SHTN1: variants seen among roughly 807,000 people sequenced by gnomAD.
SHTN1 encodes shootin-1.
SHTN1 carries 42 observed loss-of-function variants against 83.1 expected under a neutral mutation model. The ratio of observed to expected loss-of-function variants is 0.51; its 90% CI spans 0.39 to 0.65. The LOEUF is 0.65. Among genes scored for constraint, SHTN1 ranks in the 30% least tolerant of loss-of-function variants. The probability of loss-of-function intolerance (pLI) is 0.00; values close to 1 mark genes in which losing one functional copy is unlikely to be tolerated. For synonymous variants in SHTN1, 224 were observed against 247.7 expected, an observed-to-expected ratio of 0.90 and a Z score of 0.90; for missense variants, 622 against 737.8, an observed-to-expected ratio of 0.84 and a Z score of 1.82.
rs144265659 is a variant in SHTN1, at chr10:117,044,311, C to T, written c.-123+4134G>A. 6.6e-5 allele frequency among the ~76,000 whole-genome samples: 10 copies of T among 151,912 alleles called. No individual in the cohort carries two copies. The East Asian group carries it at 1.9e-3, about 29-fold the overall frequency. Reference sequence around the variant, plus strand: ...TTAACAATATATCTTGGAGATCTTTCCATATTATCACATTGATTTACCTTA... The same window carrying T: ...TTAACAATATATCTTGGAGATCTTTTCATATTATCACATTGATTTACCTTA... On this transcript the variant is annotated intron_variant, in intron 2 of 17. Transcript: ENST00000392901.
At chr10:117,117,085 G>A (rs554401504) in intron 1 of SHTN1, among the ~76,000 whole-genome samples, 1 of 152,116 alleles carries the variant, frequency 6.6e-6, no homozygotes, top group Admixed American at 6.5e-5. Flanking sequence ...AAAAAGAAAC[G>A]GTGTCCAGAT....
At chr10:116,951,335 A>G (rs1849768870) in intron 6 of SHTN1, among the ~76,000 whole-genome samples, 1 of 152,114 alleles carries the variant, frequency 6.6e-6, no homozygotes, top group Non-Finnish European at 1.5e-5. Flanking sequence ...AGGCAGGAGG[A>G]TCATTTGAGC....
At position 117,047,627 on chromosome 10, in the gene SHTN1, C is replaced by T. The variant is rs568857622; in HGVS notation, c.-123+818G>A. 2.6e-5 allele frequency among the ~76,000 whole-genome samples: 4 copies of T among 151,882 alleles called. No individual in the cohort carries two copies. The South Asian group carries it at 6.2e-4, about 24-fold the overall frequency. ...AGGCAATGATTAACTCTCTCTGGTA[C>T]AATTAAGGTAGCCTTCCTTGAAGAA... On this transcript the variant is annotated intron_variant, in intron 2 of 17. Transcript: ENST00000392901.
At chr10:116,925,369 T>C (rs995113943) in intron 11 of SHTN1, among the ~76,000 whole-genome samples, 2 of 152,180 alleles carry the variant, frequency 1.3e-5, no homozygotes, top group African/African-American at 4.8e-5. Flanking sequence ...TTTTTCTTGC[T>C]TTCGAACTTG....
At chr10:116,897,522 T>C (rs540907406) in intron 16 of SHTN1, among the ~76,000 whole-genome samples, 8 of 152,300 alleles carry the variant, frequency 5.3e-5, no homozygotes, top group Non-Finnish European at 1.2e-4. Flanking sequence ...AAACAACTTG[T>C]CCAAGTCATC....
chr10:117,089,806 G>A (rs549959131), intron 1 of SHTN1, among the ~76,000 whole-genome samples: 1 of 152,132 alleles, frequency 6.6e-6, no homozygotes, highest in South Asian at 2.1e-4. Context: ...CATTCATTAT[G>A]GAAATACTAG....
At chr10:117,030,919 A>G (rs1852406200) in intron 2 of SHTN1, among the ~76,000 whole-genome samples, 1 of 152,158 alleles carries the variant, frequency 6.6e-6, no homozygotes, top group Admixed American at 6.5e-5. Context: ...AGAGGTAGAA[A>G]AAAATATGGG....
intron 4 of SHTN1, among the ~76,000 whole-genome samples, chr10:116,955,762 G>A (rs1284891586): frequency 6.6e-6 from 1 of 152,148 alleles, no homozygotes; most frequent in African/African-American, 2.4e-5. Flanking sequence ...CTAAGAAATG[G>A]TTATGAACTC....
chr10:117,007,569 A>C (rs558864976), upstream of SHTN1, among the ~76,000 whole-genome samples: 932 of 149,762 alleles, frequency 6.2e-3, 15 homozygotes, highest in African/African-American at 0.022. Context: ...AAAAAAAAAA[A>C]AAAAAAAAAA....
In SHTN1 at chr10:116,882,154, A is replaced by G. The variant is rs79976526; in HGVS notation, c.*4190T>C. The G allele has an allele frequency of 0.069, 10,484 of 152,320 alleles. 470 individuals are homozygous for G. The highest frequency in any genetic ancestry group is 0.1 in the Non-Finnish European group (7,072 of 68,152). 9.4% of individuals were successfully genotyped at this position (152,320 alleles called of 1,614,324 possible). ...CACGTAGAAGTGTGAGAGCATCACC[A>G]TTTTTTGTAAGAGCCAATTTCATCT... On this transcript the variant is annotated 3_prime_UTR_variant, in exon 17 of 17. Transcript: ENST00000355371.
chr10:117,097,034 C>T (rs1443975640), intron 1 of SHTN1, among the ~76,000 whole-genome samples: 1 of 144,640 alleles, frequency 6.9e-6, no homozygotes, highest in African/African-American at 2.5e-5. Flanking sequence ...CACATAGACA[C>T]ACACACACAC....
chr10:117,012,606 G>A (rs1381144975), intron 2 of SHTN1, among the ~76,000 whole-genome samples: 1 of 151,690 alleles, frequency 6.6e-6, no homozygotes, highest in Non-Finnish European at 1.5e-5. Flanking sequence ...AACTCAAAAT[G>A]GATAATAGAC....
At chr10:117,065,768 GAAAGA>G (rs2133598900) in intron 1 of SHTN1, among the ~76,000 whole-genome samples, 1 of 51,704 alleles carries the variant, frequency 1.9e-5, no homozygotes, top group African/African-American at 1.1e-4. Context: ...AAGAAAGAAA[GAAAGA>G]AAGAAAGAAA....
At chr10:117,094,050 T>C (rs897267740) in intron 1 of SHTN1, among the ~76,000 whole-genome samples, 1 of 152,322 alleles carries the variant, frequency 6.6e-6, no homozygotes, top group East Asian at 1.9e-4. Flanking sequence ...TGGGCTTCCC[T>C]GACTCAGAAG....
chr10:116,980,110 A>C (rs1385424457), intron 1 of SHTN1, among the ~76,000 whole-genome samples: 1 of 152,308 alleles, frequency 6.6e-6, no homozygotes, highest in East Asian at 1.9e-4. Context: ...TTCATCTTTA[A>C]TCAAAGCACC....
At chr10:117,034,379 C>T (rs548586614) in intron 2 of SHTN1, among the ~76,000 whole-genome samples, 2 of 152,294 alleles carry the variant, frequency 1.3e-5, no homozygotes, top group East Asian at 3.9e-4. Flanking sequence ...TGGTGGTTCA[C>T]GCCTGTAATC....
intron 1 of SHTN1, among the ~76,000 whole-genome samples, chr10:117,065,727 T>TA (rs553216362): frequency 8.3e-5 from 1 of 11,990 alleles, no homozygotes; most frequent in East Asian, 1.6e-3. Context: ...GAGAGAGAGA[T>TA]GAAAGAAAGA....
chr10:116,967,187 C>T (rs1229851670), intron 3 of SHTN1, among the ~76,000 whole-genome samples: 1 of 152,160 alleles, frequency 6.6e-6, no homozygotes, highest in Non-Finnish European at 1.5e-5. Context: ...GGTCACTTTC[C>T]CTGCTACGGT....
At chr10:117,100,995 A>G (rs1853584062) in intron 1 of SHTN1, among the ~76,000 whole-genome samples, 1 of 152,178 alleles carries the variant, frequency 6.6e-6, no homozygotes, top group South Asian at 2.1e-4. Flanking sequence ...CGCCTTGGTA[A>G]AGACTGGATT....
Sources: allele counts gnomAD v4.1 joint callset (sites outside exome capture counted in the v4.1 genomes callset), GRCh38; gene constraint gnomAD v4.1.1; transcripts MANE v1.5; gene names NCBI Gene and HGNC (gene_info 2026-07-23, HGNC 2026-07-21).